The following RAP1GAP variants were observed in gnomAD, a reference collection of about 807,000 sequenced individuals.
RAP1GAP encodes the protein rap1 GTPase-activating protein 1.
A neutral mutation model predicts 87.2 loss-of-function variants in RAP1GAP; 35 were observed. That is an observed-to-expected ratio of 0.40 (90% CI 0.31 to 0.53). The LOEUF is 0.53. Ranked by LOEUF, RAP1GAP falls within the 20% of genes least tolerant of loss-of-function variation. The pLI is 0.48. For missense variants in RAP1GAP, 734 were observed against 898.9 expected, an observed-to-expected ratio of 0.82 and a Z score of 2.35; for synonymous variants, 375 against 363.9, an observed-to-expected ratio of 1.03 and a Z score of -0.35.
intron 3 of RAP1GAP, among the ~76,000 whole-genome samples, 185 bp from the exon 4 acceptor site, chr1:21,620,235 G>A (rs1237887477): frequency 6.6e-6 from 1 of 152,186 alleles, no homozygotes; most frequent in Non-Finnish European, 1.5e-5. Flanking sequence ...CACAGGGTCT[G>A]GCCGATTGCC....
Position 21,603,567 on chromosome 1 carries a change from A to G in RAP1GAP, c.1429-654T>C. The G allele has an allele frequency of 1.6e-6, 1 of 633,230 alleles. No individual in the cohort carries two copies. Among genetic ancestry groups the G allele is most frequent in the Non-Finnish European group, 2.9e-6 (1 of 350,836 alleles). 39.2% of individuals were successfully genotyped at this position (633,230 alleles called of 1,614,324 possible). ...GCGGCTGGGTGTAGGGCCTTTGGGTACCGGATCCTGGCAGGGACTGGGCCA... is the reference window on the plus strand; with the variant it reads ...GCGGCTGGGTGTAGGGCCTTTGGGTGCCGGATCCTGGCAGGGACTGGGCCA... On this transcript the variant is annotated intron_variant, in intron 18 of 24. Coordinates refer to ENST00000374765, the MANE Select transcript of RAP1GAP (RefSeq NM_002885.4). This position sits in a 1 kb window ranked among gnomAD's most constrained non-coding sequence, Gnocchi z 6.0.
chr1:21,651,454 T>G (rs1165238502), intron 1 of RAP1GAP: 1 of 586,142 alleles, frequency 1.7e-6, no homozygotes, highest in Non-Finnish European at 3.4e-6. Flanking sequence ...ACAGGCGGAG[T>G]AGCCCCGCAG....
intron 4 of RAP1GAP, among the ~76,000 whole-genome samples, chr1:21,619,710 G>A (rs1373948502): frequency 6.6e-6 from 1 of 151,964 alleles, no homozygotes; most frequent in East Asian, 1.9e-4. Context: ...AGCCTGCGGT[G>A]TCTCTCACTG....
intron 20 of RAP1GAP, among the ~76,000 whole-genome samples, chr1:21,600,582 T>C (rs2067326487): frequency 6.6e-6 from 1 of 152,070 alleles, no homozygotes; most frequent in Non-Finnish European, 1.5e-5. Flanking sequence ...CTGTCACACT[T>C]AGGATAAAAG....
chr1:21,636,858 G>A (rs1407865972), intron 2 of RAP1GAP, among the ~76,000 whole-genome samples: 1 of 147,288 alleles, frequency 6.8e-6, no homozygotes, highest in South Asian at 2.2e-4. Flanking sequence ...GAAGGAGGAG[G>A]AGGAGGAGGA....
rs571771683 is a variant in RAP1GAP, at chr1:21,602,655, C to T, written c.1538+149G>A. 3.6e-5 allele frequency: 24 copies of T among 658,126 alleles called. 1 individual carries two copies. The East Asian group carries it at 4.7e-4, about 13-fold the overall frequency. 40.8% of individuals were successfully genotyped at this position (658,126 alleles called of 1,614,324 possible). ...GACGTGCTGGCCCTGGTGCCCGACA[C>T]GCAGCAGGGACTTGACCACACAGCT... is the stretch of plus-strand genomic sequence containing the variant. On this transcript the variant is annotated intron_variant, in intron 19 of 24. Transcript: ENST00000374765.
rs938673345 is a variant in RAP1GAP, at chr1:21,609,241, A to T, written c.1072-305T>A. On this transcript the variant is annotated intron_variant, in intron 15 of 24. Coordinates refer to ENST00000374765, the MANE Select transcript of RAP1GAP (RefSeq NM_002885.4). The surrounding 1 kb of genome is among the most constrained non-coding windows in gnomAD (Gnocchi z 4.4). ...GGGTAGCAGAACACGCTACGTACAG[A>T]GCTGAAGCCCAGGCTTGAAGTGTGC... Among the ~76,000 whole-genome samples the T allele has an allele frequency of 6.6e-6, 1 of 152,162 alleles. No homozygotes were observed. The highest frequency in any genetic ancestry group is 1.5e-5 in the Non-Finnish European group (1 of 68,028).
At chr1:21,618,034 T>C in intron 5 of RAP1GAP, 62 bp from the exon 6 acceptor site, 1 of 1,606,562 alleles carries the variant, frequency 6.2e-7, no homozygotes. Flanking sequence ...CCCCCAGAGC[T>C]GGCCTCTGCT....
At position 21,668,533 on chromosome 1, in the gene RAP1GAP, C is replaced by T; in HGVS notation, c.-149+721G>A. 1 of 152,684 alleles carries T rather than the reference C, an allele frequency of 6.5e-6. No homozygotes were observed. Among genetic ancestry groups the T allele is most frequent in the Non-Finnish European group, 1.5e-5 (1 of 68,350 alleles). The allele number at this position is 152,684 out of a possible 1,614,324, so 9.5% of individuals were successfully genotyped here. A position where few individuals can be genotyped will look rare whatever the true frequency, so the allele number is the denominator to read the frequency against. ...CACCTCCGGAGACTGTGTGTGTGTG[C>T]AGGTGTGCGTACACAAGGTTTCTTC... On this transcript the variant is annotated intron_variant, in intron 1 of 24. Transcript: ENST00000374765. The surrounding 1 kb of genome is among the most constrained non-coding windows in gnomAD (Gnocchi z 6.2).
chr1:21,636,910 AAGGAAGGGAGGG>A (rs1196024545), intron 2 of RAP1GAP, among the ~76,000 whole-genome samples: 2,384 of 117,420 alleles, frequency 0.02, 74 homozygotes, highest in African/African-American at 0.07. Context: ...GGAGGGAAGG[AAGGAAGGGAGGG>A]AGGGAGGGAG....
At chr1:21,636,907 A>AGGAAAGAAGGAAGGAAGGAG (rs1368312467) in intron 2 of RAP1GAP, among the ~76,000 whole-genome samples, 1 of 111,424 alleles carries the variant, frequency 9.0e-6, no homozygotes, top group Non-Finnish European at 1.8e-5. Context: ...GAAGGAGGGA[A>AGGAAAGAAGGAAGGAAGGAG]GGAAGGAAGG....
At chr1:21,651,473 A>T in intron 1 of RAP1GAP, 1 of 612,640 alleles carries the variant, frequency 1.6e-6, no homozygotes, top group Non-Finnish European at 3.2e-6. Flanking sequence ...AGCCCCAGTC[A>T]CATGCATAAG....
Position 21,617,467 on chromosome 1 carries a change from G to C in RAP1GAP, c.130C>G (p.Pro44Ala). The change falls in exon 7 of 25, where the codon CCC (proline) becomes GCC (alanine). Residue 44 changes from proline to alanine, a missense_variant. This residue lies in a region of RAP1GAP where 485 missense variants were observed against 646.2 expected (regional missense o/e 0.75). Transcript: ENST00000374765. ...HEVLGREGPF[P>A]LILLPQFGGY... is the part of the protein sequence containing the mutation. Reference sequence around the variant, plus strand: ...CCAAACTGGGGCAGCAGGATGAGGGGGAAGGGTCCTTCTCGCCCCAAGACC... The same window carrying C: ...CCAAACTGGGGCAGCAGGATGAGGGCGAAGGGTCCTTCTCGCCCCAAGACC... The C allele has an allele frequency of 6.2e-7, 1 of 1,604,314 alleles. No homozygotes were observed. Among genetic ancestry groups the C allele is most frequent in the Non-Finnish European group, 8.5e-7 (1 of 1,175,880 alleles).
chr1:21,666,296 G>T (rs1428920925), intron 1 of RAP1GAP, among the ~76,000 whole-genome samples: 1 of 152,212 alleles, frequency 6.6e-6, no homozygotes, highest in Non-Finnish European at 1.5e-5. Flanking sequence ...CACACCAGCT[G>T]GCCCCCAGCC....
At chr1:21,643,227 T>C (rs772323103) in intron 2 of RAP1GAP, among the ~76,000 whole-genome samples, 2 of 152,216 alleles carry the variant, frequency 1.3e-5, no homozygotes, top group African/African-American at 2.4e-5. Context: ...GGGAAGATCC[T>C]GAACTCAGAA....
chr1:21,629,646 T>A (rs892210524), intron 2 of RAP1GAP, among the ~76,000 whole-genome samples: 20 of 152,224 alleles, frequency 1.3e-4, no homozygotes, highest in African/African-American at 4.8e-4. Flanking sequence ...CTCTGGGCAC[T>A]GCCTGTCCAT....
At chr1:21,651,629 G>A in intron 1 of RAP1GAP, 2 of 784,574 alleles carry the variant, frequency 2.5e-6, no homozygotes, top group Non-Finnish European at 2.2e-6. Context: ...CGACAGCCAT[G>A]CGCGCACTGA....
Position 21,669,017 on chromosome 1 carries a change from G to T in RAP1GAP, c.-149+237C>A, listed in dbSNP as rs1311694660. ...GCCTGGACCAAGTCCAACAGGCTGG[G>T]GGTTCAGCCGGCTCAGTCCAGGCCT... On this transcript the variant is annotated intron_variant, in intron 1 of 24. Coordinates refer to ENST00000374765, the MANE Select transcript of RAP1GAP (RefSeq NM_002885.4). The surrounding 1 kb of genome is among the most constrained non-coding windows in gnomAD (Gnocchi z 5.6). Among the ~76,000 whole-genome samples the T allele has an allele frequency of 6.6e-6, 1 of 151,854 alleles. No homozygotes were observed. The highest frequency in any genetic ancestry group is 1.5e-5 in the Non-Finnish European group (1 of 67,844).
Position 21,618,912 on chromosome 1 carries a change from T to C in RAP1GAP, c.66+113A>G, listed in dbSNP as rs545473045. 490 of 1,262,132 alleles carry C rather than the reference T, an allele frequency of 3.9e-4. 2 individuals carry two copies. The African/African-American group carries it at 6.6e-3, about 17-fold the overall frequency. 78.2% of individuals were successfully genotyped at this position (1,262,132 alleles called of 1,614,324 possible). On this transcript the variant is annotated intron_variant, in intron 5 of 24. Transcript: ENST00000374765. ...CCCTACCCCCGCACCTGGCACACTG[T>C]AAGACTACTTGCTGAAAGGGGATGG... is the stretch of plus-strand genomic sequence containing the variant.
Sources: gnomAD v4.1 joint callset for allele counts (sites outside exome capture counted in the v4.1 genomes callset) on GRCh38, gnomAD v4.1.1 for gene constraint, gnomAD v4.1.1 regional missense constraint, Gnocchi (gnomAD v3.1) non-coding constraint, MANE v1.5 for transcripts, NCBI Gene and HGNC (gene_info 2026-07-23, HGNC 2026-07-21) for gene names.